TIMM17A: variants seen among roughly 807,000 people sequenced by gnomAD.
TIMM17A encodes translocase of inner mitochondrial membrane 17A.
TIMM17A carries 15 observed loss-of-function variants against 26.5 expected under a neutral mutation model. That is an observed-to-expected ratio of 0.57 (90% CI 0.38 to 0.87). TIMM17A has a LOEUF of 0.87. Among genes scored for constraint, TIMM17A ranks in the 40% least tolerant of loss-of-function variants. TIMM17A has a pLI of 0.00. For missense variants in TIMM17A, 201 were observed against 210.0 expected, an observed-to-expected ratio of 0.96 and a Z score of 0.27; for synonymous variants, 80 against 70.8, an observed-to-expected ratio of 1.13 and a Z score of -0.66.
rs866700656 is a variant in TIMM17A, at chr1:201,969,851, G to A, written c.*297G>A. 3.1e-5 allele frequency: 7 copies of A among 226,010 alleles called. No individual in the cohort carries two copies. Among genetic ancestry groups the A allele is most frequent in the African/African-American group, 1.6e-4 (7 of 43,546 alleles). 14.0% of individuals were successfully genotyped at this position (226,010 alleles called of 1,614,324 possible). On this transcript the variant is annotated 3_prime_UTR_variant, in exon 6 of 6. Transcript: ENST00000367287. ...AAGGACCAAAAGGCCAAAAAACAGT[G>A]AAATATGATCATCATCTCCTTGCGG...
In TIMM17A at chr1:201,955,540, C is replaced by G; in HGVS notation, c.14C>G (p.Ala5Gly). MEEY[A>G]REPCPWRIVD... ...ATTGGAGTCAAGATGGAGGAGTACG[C>G]GCGAGAGCCTTGGTGAGCTTCACCG... is the stretch of plus-strand genomic sequence containing the variant. The change falls in exon 1 of 6, where the codon GCG becomes GGG. Residue 5 changes from alanine to glycine, a missense_variant. Ala to Gly is a moderately conservative substitution (Grantham distance 60, BLOSUM62 0). Transcript: ENST00000367287. The G allele has an allele frequency of 6.2e-7, 1 of 1,614,264 alleles. No individual in the cohort carries two copies. Among genetic ancestry groups the G allele is most frequent in the Non-Finnish European group, 8.5e-7 (1 of 1,180,048 alleles).
Sources: allele counts gnomAD v4.1 joint callset, GRCh38; gene constraint gnomAD v4.1.1; transcripts MANE v1.5; gene names NCBI Gene and HGNC (gene_info 2026-07-23, HGNC 2026-07-21).